GPX2: variants seen among roughly 807,000 people sequenced by gnomAD.
GPX2 encodes the protein gastrointestinal glutathione peroxidase.
In GPX2, 21 loss-of-function variants were observed where a neutral mutation model predicts 14.1. That is an observed-to-expected ratio of 1.48 (90% CI 1.05 to 2.14). The LOEUF (loss-of-function observed/expected upper bound fraction) is 2.14. Ranked by LOEUF, GPX2 falls within the 30% of genes most tolerant of loss-of-function variation. The pLI, the probability that GPX2 is intolerant of heterozygous loss-of-function variation, is 0.00. For synonymous variants in GPX2, 94 were observed against 95.2 expected (o/e 0.99, Z 0.07); for missense variants, 241 against 249.8 (o/e 0.96, Z 0.24).
rs1348696348 is a variant in GPX2, at chr14:64,940,126, C to CA, written c.223-289dup. The CA allele has an allele frequency of 8.0e-5, 112 of 1,391,988 alleles. No homozygotes were observed. The highest frequency in any genetic ancestry group is 1.0e-4 in the Non-Finnish European group (110 of 1,055,870). The allele number at this position is 1,391,988 out of a possible 1,614,324, so 86.2% of individuals were successfully genotyped here. A position where few individuals can be genotyped will look rare whatever the true frequency, so the allele number is the denominator to read the frequency against. On this transcript the variant is annotated intron_variant, in intron 1 of 1. Coordinates refer to ENST00000389614, the MANE Select transcript of GPX2 (RefSeq NM_002083.4). This position sits in a 1 kb window ranked among gnomAD's most constrained non-coding sequence, Gnocchi z 4.5. ...AGAGATGGGGTCTCACTTTGTTGCC[C>CA]ATGCTTTGGCTGCTCTTCAAGATTT... is the stretch of plus-strand genomic sequence containing the variant.
rs769834730 is a variant in GPX2, at chr14:64,942,633, G to A, written c.94C>T (p.Leu32=). The A allele has an allele frequency of 1.1e-5, 18 of 1,614,022 alleles. No individual in the cohort carries two copies. The highest frequency in any genetic ancestry group is 3.3e-5 in the Admixed American group (2 of 60,008). Reference sequence around the variant, plus strand: ...CAGAGCGAAGCCACATTCTCAATCAGCACGGCCCTGCCCCGGAACGTATTG... The same window carrying A: ...CAGAGCGAAGCCACATTCTCAATCAACACGGCCCTGCCCCGGAACGTATTG... ...DFNTFRGRAV[L]IENVASLUGT... is the part of the protein sequence containing the mutation. Residue 32 remains leucine, a synonymous_variant, in exon 1 of 2, where the codon CTG becomes TTG. Coordinates refer to ENST00000389614, the MANE Select transcript of GPX2 (RefSeq NM_002083.4).
intron 1 of GPX2, among the ~76,000 whole-genome samples, chr14:64,942,170 T>C (rs1338289547): frequency 3.3e-5 from 5 of 152,210 alleles, no homozygotes; most frequent in Non-Finnish European, 7.3e-5. Flanking sequence ...TGGCCTCTAC[T>C]TTCTCCACTC....
rs1325080578 is a variant in GPX2 at position 64,942,678 on chromosome 14, C to T, written c.49G>A (p.Asp17Asn). 3.4e-5 allele frequency: 55 copies of T among 1,614,208 alleles called. No individual in the cohort carries two copies. The highest frequency in any genetic ancestry group is 4.7e-5 in the Non-Finnish European group (55 of 1,180,042). The change falls in exon 1 of 2, where the codon GAT becomes AAT. Residue 17 changes from aspartate (D) to asparagine (N), a missense_variant. Transcript: ENST00000389614. ...SFYDLSAISLDGEKVDFNTFR... is the reference protein window; with the variant it reads ...SFYDLSAISLNGEKVDFNTFR... ...GTATTGAAATCTACCTTCTCCCCAT[C>T]CAGGCTGATGGCACTGAGGTCATAG...
In GPX2 at chr14:64,939,495, G is replaced by A; in HGVS notation, c.566C>T (p.Ala189Val). Residue 189 changes from alanine to valine, a missense_variant, in exon 2 of 2, where the codon GCC (alanine) becomes GTC (valine). By Grantham distance (64) the Ala-to-Val change is moderately conservative. Coordinates refer to ENST00000389614, the MANE Select transcript of GPX2 (RefSeq NM_002083.4). The surrounding 1 kb of genome is among the most constrained non-coding windows in gnomAD (Gnocchi z 5.7). ...GTGTTGAGCAGTTCACATCTATATG[G>A]CAACTTTAAGGAGGCGCTTGATGTC... ...EPDIKRLLKV[A>V]I 4.3e-6 allele frequency: 7 copies of A among 1,612,924 alleles called. No homozygotes were observed. The highest frequency in any genetic ancestry group is 5.9e-6 in the Non-Finnish European group (7 of 1,179,126).
chr14:64,942,538 GACC>G lies in GPX2; in HGVS notation c.186_188del (p.Val63del). On this transcript the variant is annotated inframe_deletion, in exon 1 of 2. Transcript: ENST00000389614. The stretch of plus-strand genomic sequence containing the variant: ...CAAATTGGTTGCAAGGGAAGCCAAG[GACC>G]ACCAGGCGCCTGGGAAAGCGGCATT... 3 of 1,614,176 alleles carry G rather than the reference GACC, an allele frequency of 1.9e-6. No homozygotes were observed. The highest frequency in any genetic ancestry group is 2.5e-6 in the Non-Finnish European group (3 of 1,180,036).
intron 1 of GPX2, chr14:64,941,245 T>G (rs1885619134): frequency 1.4e-6 from 1 of 701,532 alleles, no homozygotes; most frequent in Non-Finnish European, 1.9e-6. Flanking sequence ...TTTTGCAATT[T>G]TTTGTAGAAA....
rs754401445 is a variant in GPX2, at chr14:64,939,788, A to T, written c.273T>A (p.Pro91=). 1.1e-5 allele frequency: 17 copies of T among 1,614,162 alleles called. No homozygotes were observed. Among genetic ancestry groups the T allele is most frequent in the Non-Finnish European group, 1.4e-5 (17 of 1,180,030 alleles). ...TGAAGGTGGGCTGGTATCCACCCCC[A>T]GGACGGACATACTTGAGACTGTTCA... ...EILNSLKYVR[P]GGGYQPTFTL... Residue 91 remains proline, a synonymous_variant, in exon 2 of 2, where the codon CCT becomes CCA. Coordinates refer to ENST00000389614, the MANE Select transcript of GPX2 (RefSeq NM_002083.4). This position sits in a 1 kb window ranked among gnomAD's most constrained non-coding sequence, Gnocchi z 5.7.
rs1312348018 is a variant in GPX2 at position 64,939,958 on chromosome 14, A to G, written c.223-120T>C. 54 of 1,125,950 alleles carry G rather than the reference A, an allele frequency of 4.8e-5. No individual in the cohort carries two copies. The highest frequency in any genetic ancestry group is 4.6e-4 in the Admixed American group (14 of 30,174). The allele number at this position is 1,125,950 out of a possible 1,614,324, so 69.7% of individuals were successfully genotyped here. Reference sequence around the variant, plus strand: ...CAGGGTCATTCTTTTTCACTGTGAAAGAGAGAGAGACAAGACAGACGAGGT... The same window carrying G: ...CAGGGTCATTCTTTTTCACTGTGAAGGAGAGAGAGACAAGACAGACGAGGT... On this transcript the variant is annotated intron_variant, in intron 1 of 1. Transcript: ENST00000389614. The surrounding 1 kb of genome is among the most constrained non-coding windows in gnomAD (Gnocchi z 5.7).
chr14:64,940,012 G>A lies in GPX2; in HGVS notation c.223-174C>T, dbSNP rs1885540967. On this transcript the variant is annotated intron_variant, in intron 1 of 1. Coordinates refer to ENST00000389614, the MANE Select transcript of GPX2 (RefSeq NM_002083.4). The surrounding 1 kb of genome is among the most constrained non-coding windows in gnomAD (Gnocchi z 4.5). ...GCTCACTGCAGCCTTGAACTTCTGGGCTCAAGCATTCCTCCTGCTTCAGCC... is the reference window on the plus strand; with the variant it reads ...GCTCACTGCAGCCTTGAACTTCTGGACTCAAGCATTCCTCCTGCTTCAGCC... 6.8e-7 allele frequency: 1 copy of A among 1,475,464 alleles called. No homozygotes were observed. The highest frequency in any genetic ancestry group is 2.5e-5 in the East Asian group (1 of 40,250). The allele number at this position is 1,475,464 out of a possible 1,614,324, so 91.4% of individuals were successfully genotyped here. A position where few individuals can be genotyped will look rare whatever the true frequency, so the allele number is the denominator to read the frequency against.
Position 64,940,170 on chromosome 14 carries a change from C to T in GPX2, c.223-332G>A, listed in dbSNP as rs1465058799. ...AAGATTTAGCACTTCTGAGCTGTTGCTTTTGTCTCCAGTCTACCCTGAGCA... is the reference window on the plus strand; with the variant it reads ...AAGATTTAGCACTTCTGAGCTGTTGTTTTTGTCTCCAGTCTACCCTGAGCA... On this transcript the variant is annotated intron_variant, in intron 1 of 1. Transcript: ENST00000389614. The surrounding 1 kb of genome is among the most constrained non-coding windows in gnomAD (Gnocchi z 4.5). The T allele has an allele frequency of 5.3e-6, 7 of 1,333,066 alleles. No homozygotes were observed. Among genetic ancestry groups the T allele is most frequent in the Non-Finnish European group, 6.9e-6 (7 of 1,018,216 alleles). 82.6% of individuals were successfully genotyped at this position (1,333,066 alleles called of 1,614,324 possible). A position where few individuals can be genotyped will look rare whatever the true frequency, so the allele number is the denominator to read the frequency against.
chr14:64,939,722 A>T lies in GPX2; in HGVS notation c.339T>A (p.His113Gln), dbSNP rs1885509421. 2 of 1,613,962 alleles carry T rather than the reference A, an allele frequency of 1.2e-6. No individual in the cohort carries two copies. Among genetic ancestry groups the T allele is most frequent in the African/African-American group, 1.3e-5 (1 of 74,864 alleles). Residue 113 changes from histidine to glutamine, a missense_variant, in exon 2 of 2, where the codon CAT (histidine) becomes CAA (glutamine). His to Gln is a conservative substitution (Grantham distance 24). Coordinates refer to ENST00000389614, the MANE Select transcript of GPX2 (RefSeq NM_002083.4). This position sits in a 1 kb window ranked among gnomAD's most constrained non-coding sequence, Gnocchi z 5.7. ...QKCEVNGQNEHPVFAYLKDKL... is the reference protein window; with the variant it reads ...QKCEVNGQNEQPVFAYLKDKL... Reference sequence around the variant, plus strand: ...TGTCCTTCAGGTAGGCGAAGACAGGATGCTCGTTCTGCCCATTCACCTCAC... The same window carrying T: ...TGTCCTTCAGGTAGGCGAAGACAGGTTGCTCGTTCTGCCCATTCACCTCAC...
In GPX2 at chr14:64,939,722, A is replaced by G; in HGVS notation, c.339T>C (p.His113=). 2 of 1,614,080 alleles carry G rather than the reference A, an allele frequency of 1.2e-6. No individual in the cohort carries two copies. Among genetic ancestry groups the G allele is most frequent in the Non-Finnish European group, 1.7e-6 (2 of 1,180,020 alleles). The change falls in exon 2 of 2, where the codon CAT becomes CAC. Residue 113 remains histidine, a synonymous_variant. Transcript: ENST00000389614. This position sits in a 1 kb window ranked among gnomAD's most constrained non-coding sequence, Gnocchi z 5.7. ...QKCEVNGQNE[H]PVFAYLKDKL... ...TGTCCTTCAGGTAGGCGAAGACAGG[A>G]TGCTCGTTCTGCCCATTCACCTCAC...
chr14:64,939,521 A>C lies in GPX2; in HGVS notation c.540T>G (p.Pro180=). The C allele has an allele frequency of 6.2e-7, 1 of 1,614,132 alleles. No homozygotes were observed. Among genetic ancestry groups the C allele is most frequent in the Admixed American group, 1.7e-5 (1 of 60,014 alleles). Residue 180 remains proline (P), a synonymous_variant, in exon 2 of 2, where the codon CCT becomes CCG. Transcript: ENST00000389614. The surrounding 1 kb of genome is among the most constrained non-coding windows in gnomAD (Gnocchi z 5.7). ...SRTFPTINIE[P]DIKRLLKVAI ...CAACTTTAAGGAGGCGCTTGATGTCAGGCTCAATGTTGATGGTTGGGAAGG... is the reference window on the plus strand; with the variant it reads ...CAACTTTAAGGAGGCGCTTGATGTCCGGCTCAATGTTGATGGTTGGGAAGG...
intron 1 of GPX2, among the ~76,000 whole-genome samples, chr14:64,941,019 A>G (rs1354247582): frequency 6.6e-6 from 1 of 152,136 alleles, no homozygotes; most frequent in Non-Finnish European, 1.5e-5. Context: ...CCAGGCCATC[A>G]TGACATCATG....
At position 64,939,605 on chromosome 14, in the gene GPX2, C is replaced by T; in HGVS notation, c.456G>A (p.Trp152Ter). 6.2e-7 allele frequency: 1 copy of T among 1,614,134 alleles called. No homozygotes were observed. Among genetic ancestry groups the T allele is most frequent in the Non-Finnish European group, 8.5e-7 (1 of 1,180,024 alleles). ...WSPVRRSDVA[W>*]NFEKFLIGPE... ...GCCCTATGAGGAACTTCTCAAAGTT[C>T]CAGGCCACATCTGAGCGGCGCACAG... is the stretch of plus-strand genomic sequence containing the variant. Residue 152 changes from tryptophan to a stop codon, truncating the protein, a stop_gained, in exon 2 of 2, where the codon TGG becomes TGA. Transcript: ENST00000389614. LOFTEE classifies it high-confidence loss of function. The surrounding 1 kb of genome is among the most constrained non-coding windows in gnomAD (Gnocchi z 5.7).
In GPX2 at chr14:64,940,242, T is replaced by TCTAAGCAGTATAACCTA; in HGVS notation, c.223-405_223-404insTAGGTTATACTGCTTAG. 1 of 1,199,998 alleles carries TCTAAGCAGTATAACCTA rather than the reference T, an allele frequency of 8.3e-7. No individual in the cohort carries two copies. Among genetic ancestry groups the TCTAAGCAGTATAACCTA allele is most frequent in the Non-Finnish European group, 1.1e-6 (1 of 906,580 alleles). The allele number at this position is 1,199,998 out of a possible 1,614,324, so 74.3% of individuals were successfully genotyped here. The stretch of plus-strand genomic sequence containing the variant: ...GAAGAAAGAGAAAAGAGGCTTAGGT[T>TCTAAGCAGTATAACCTA]ATACTGCTTAGAACCTCCTCTTCAA... On this transcript the variant is annotated intron_variant, in intron 1 of 1. Coordinates refer to ENST00000389614, the MANE Select transcript of GPX2 (RefSeq NM_002083.4). This position sits in a 1 kb window ranked among gnomAD's most constrained non-coding sequence, Gnocchi z 4.5.
At chr14:64,941,363 C>T (rs1434063406) in intron 1 of GPX2, 1 of 1,274,878 alleles carries the variant, frequency 7.8e-7, no homozygotes, top group Non-Finnish European at 1.0e-6. Flanking sequence ...CCACTGTACC[C>T]TGGCAGATTT....
At position 64,939,860 on chromosome 14, in the gene GPX2, G is replaced by A. The variant is rs1486010722; in HGVS notation, c.223-22C>T. Reference sequence around the variant, plus strand: ...TCTCCTAGGGGAGGAAAAAGACAAAGTGCGTGGACAGTGGGTGGGGGAAGA... The same window carrying A: ...TCTCCTAGGGGAGGAAAAAGACAAAATGCGTGGACAGTGGGTGGGGGAAGA... On this transcript the variant is annotated intron_variant, in intron 1 of 1. Coordinates refer to ENST00000389614, the MANE Select transcript of GPX2 (RefSeq NM_002083.4). This position sits in a 1 kb window ranked among gnomAD's most constrained non-coding sequence, Gnocchi z 5.7. The A allele has an allele frequency of 1.9e-6, 3 of 1,608,352 alleles. No individual in the cohort carries two copies. The highest frequency in any genetic ancestry group is 2.6e-6 in the Non-Finnish European group (3 of 1,175,950).
At chr14:64,942,378 C>G (rs17880758) in intron 1 of GPX2, 127 bp downstream of exon 1, 1 of 712,844 alleles carries the variant, frequency 1.4e-6, no homozygotes, top group Non-Finnish European at 2.5e-6. Flanking sequence ...ACCTAAAGAC[C>G]TAGCTTAACA....
Sources: allele counts gnomAD v4.1 joint callset (sites outside exome capture counted in the v4.1 genomes callset), GRCh38; gene constraint gnomAD v4.1.1; non-coding constraint Gnocchi (gnomAD v3.1); transcripts MANE v1.5; gene names NCBI Gene and HGNC (gene_info 2026-07-23, HGNC 2026-07-21).